MAPRE2: variants seen among roughly 807,000 people sequenced by gnomAD.
MAPRE2 encodes the protein microtubule-associated protein RP/EB family member 2.
Under a neutral mutation model 43.2 loss-of-function variants are expected in MAPRE2, and 13 were observed. That is an observed-to-expected ratio of 0.30 (90% CI 0.20 to 0.48). MAPRE2 has a LOEUF of 0.48. Ranked by LOEUF, MAPRE2 falls within the 20% of genes least tolerant of loss-of-function variation. The pLI is 0.99. For missense variants in MAPRE2, 161 were observed against 400.2 expected, an observed-to-expected ratio of 0.40 and a Z score of 5.10; for synonymous variants, 135 against 148.8, an observed-to-expected ratio of 0.91 and a Z score of 0.68.
At chr18:35,129,591 G>A (rs756875424) in intron 5 of MAPRE2, among the ~76,000 whole-genome samples, 1 of 152,240 alleles carries the variant, frequency 6.6e-6, no homozygotes, top group African/African-American at 2.4e-5. Flanking sequence ...GTTCTGTATA[G>A]TGGGTTAGCC....
chr18:35,122,960 T>C (rs1909751346), intron 4 of MAPRE2, among the ~76,000 whole-genome samples: 1 of 152,240 alleles, frequency 6.6e-6, no homozygotes, highest in Non-Finnish European at 1.5e-5. Flanking sequence ...CAAAACCTGT[T>C]TCCCCAAGTG....
At chr18:35,002,456 T>C (rs983001448) in intron 1 of MAPRE2, among the ~76,000 whole-genome samples, 1 of 152,210 alleles carries the variant, frequency 6.6e-6, no homozygotes, top group African/African-American at 2.4e-5. Context: ...GGTGATATGG[T>C]AGTTGCATGT....
intron 2 of MAPRE2, among the ~76,000 whole-genome samples, chr18:35,035,443 C>T (rs1364099652): frequency 1.3e-5 from 2 of 151,714 alleles, no homozygotes; most frequent in African/African-American, 4.9e-5. Flanking sequence ...AGCACACCAG[C>T]ATGACACATG....
chr18:35,139,043 G>A (rs554843119), intron 6 of MAPRE2, among the ~76,000 whole-genome samples: 4 of 152,048 alleles, frequency 2.6e-5, no homozygotes, highest in Non-Finnish European at 5.9e-5. Flanking sequence ...CCAGTGGGTG[G>A]GGCCAAAAGG....
chr18:35,142,496 C>CCA lies in MAPRE2; in HGVS notation c.*2129_*2130dup, dbSNP rs1199826922. On this transcript the variant is annotated 3_prime_UTR_variant, in exon 7 of 7. Transcript: ENST00000300249. Reference sequence around the variant, plus strand: ...GCCTCCCTGGTGACTCTTGCAGGAACCACTCCATTGCCCTCCAGCTCCCCA... The same window carrying CCA: ...GCCTCCCTGGTGACTCTTGCAGGAACCACACTCCATTGCCCTCCAGCTCCCCA... 1 of 152,312 alleles carries CCA rather than the reference C, an allele frequency of 6.6e-6. No homozygotes were observed. The highest frequency in any genetic ancestry group is 6.5e-5 in the Admixed American group (1 of 15,278). 9.4% of individuals were successfully genotyped at this position (152,312 alleles called of 1,614,324 possible).
intron 2 of MAPRE2, among the ~76,000 whole-genome samples, chr18:35,008,388 A>G (rs1262915587): frequency 6.6e-6 from 1 of 152,200 alleles, no homozygotes; most frequent in Non-Finnish European, 1.5e-5. Context: ...AAGAAAACCT[A>G]GAGGAGAAAA....
intron 1 of MAPRE2, chr18:34,978,409 C>T: frequency 2.0e-6 from 2 of 1,008,194 alleles, no homozygotes; most frequent in Non-Finnish European, 3.1e-6. Flanking sequence ...GAGGTTCGGT[C>T]CCAGCTGGGG....
Position 34,985,307 on chromosome 18 carries a change from T to TA in MAPRE2, c.-70+8229dup, listed in dbSNP as rs1356044252. On this transcript the variant is annotated intron_variant, in intron 1 of 7. Coordinates refer to the MAPRE2 transcript ENST00000413393. ...ATTATATATTATATTATATATTGTA[T>TA]ATATTATATTATATATATAATATAA... Among the ~76,000 whole-genome samples, 36 of 43,168 alleles carry TA rather than the reference T, an allele frequency of 8.3e-4. 1 individual carries two copies. The highest frequency in any genetic ancestry group is 2.7e-3 in the African/African-American group (28 of 10,250). 28.3% of individuals were successfully genotyped at this position (43,168 alleles called of 152,430 possible).
At chr18:35,066,257 A>C (rs1333266514) in intron 1 of MAPRE2, among the ~76,000 whole-genome samples, 5 of 152,158 alleles carry the variant, frequency 3.3e-5, no homozygotes, top group African/African-American at 1.2e-4. Flanking sequence ...CGTGAATTGA[A>C]GTTTGTGTCC....
At chr18:34,985,602 A>T (rs1425320012) in intron 1 of MAPRE2, among the ~76,000 whole-genome samples, 1 of 94,924 alleles carries the variant, frequency 1.1e-5, no homozygotes, top group Non-Finnish European at 1.9e-5. Context: ...TATATAACAT[A>T]TGATATATTA....
intron 1 of MAPRE2, among the ~76,000 whole-genome samples, chr18:34,997,504 T>C (rs1395089064): frequency 6.6e-6 from 1 of 152,174 alleles, no homozygotes; most frequent in Non-Finnish European, 1.5e-5. Flanking sequence ...AGTGAACCTC[T>C]AGAAGAAGTA....
At chr18:35,134,673 G>A (rs1569017569) in intron 6 of MAPRE2, among the ~76,000 whole-genome samples, 1 of 152,220 alleles carries the variant, frequency 6.6e-6, no homozygotes, top group Non-Finnish European at 1.5e-5. Context: ...CACGCCCTGT[G>A]TGTGAAGAAG....
At chr18:34,988,428 T>TAACATCCTTCATC (rs1203491419) in intron 1 of MAPRE2, among the ~76,000 whole-genome samples, 1 of 152,202 alleles carries the variant, frequency 6.6e-6, no homozygotes, top group East Asian at 1.9e-4. Context: ...GAGATGTTAT[T>TAACATCCTTCATC]AACATCCTTC....
At chr18:35,118,436 A>G (rs1433045093) in intron 4 of MAPRE2, among the ~76,000 whole-genome samples, 1 of 152,200 alleles carries the variant, frequency 6.6e-6, no homozygotes, top group Non-Finnish European at 1.5e-5. Context: ...ATTGCAAAAC[A>G]TAGGTTTTGT....
At chr18:35,081,042 T>C (rs187928075) in intron 2 of MAPRE2, among the ~76,000 whole-genome samples, 181 of 152,350 alleles carry the variant, frequency 1.2e-3, no homozygotes, top group African/African-American at 3.9e-3. Context: ...TTCTCCATTT[T>C]CATTTCTTCT....
At chr18:35,111,476 C>T (rs1603402156) in intron 4 of MAPRE2, among the ~76,000 whole-genome samples, 1 of 152,124 alleles carries the variant, frequency 6.6e-6, no homozygotes, top group East Asian at 1.9e-4. Flanking sequence ...CTTTATATGT[C>T]AAATAATTTT....
chr18:35,005,423 T>G, intron 1 of MAPRE2: 1 of 991,346 alleles, frequency 1.0e-6, no homozygotes, highest in Non-Finnish European at 1.5e-6. Context: ...AAATTATAAC[T>G]CTTTGCTTCC....
chr18:34,985,578 A>T (rs1203020421), intron 1 of MAPRE2, among the ~76,000 whole-genome samples: 2 of 77,058 alleles, frequency 2.6e-5, no homozygotes, highest in African/African-American at 5.6e-5. Context: ...TAATATATAA[A>T]CTATAAACTA....
chr18:35,027,677 A>T lies in MAPRE2; in HGVS notation c.-8+22124A>T, dbSNP rs570306200. The stretch of plus-strand genomic sequence containing the variant: ...AGTTTAGAGTCACAATAGAGAACCA[A>T]CAGGGTTTTTCTGTTATCTGTTAAT... On this transcript the variant is annotated intron_variant, in intron 2 of 7. Coordinates refer to the MAPRE2 transcript ENST00000413393. Among the ~76,000 whole-genome samples the T allele has an allele frequency of 2.6e-5, 4 of 152,322 alleles. No homozygotes were observed. The South Asian group carries it at 8.3e-4, about 32-fold the overall frequency.
Sources: allele counts gnomAD v4.1 joint callset (sites outside exome capture counted in the v4.1 genomes callset), GRCh38; gene constraint gnomAD v4.1.1; transcripts MANE v1.5; gene names NCBI Gene and HGNC (gene_info 2026-07-23, HGNC 2026-07-21).